Variants in EPC2 observed in about 807,000 individuals in gnomAD.
The protein encoded by EPC2 is enhancer of polycomb 2.
A neutral mutation model predicts 92.1 loss-of-function variants in EPC2; 14 were observed. That is an observed-to-expected ratio of 0.15 (90% CI 0.10 to 0.24). The LOEUF (loss-of-function observed/expected upper bound fraction) is 0.24. EPC2 is among the 10% of genes least tolerant of loss of function. The probability of loss-of-function intolerance (pLI) is 1.00; values close to 1 mark genes in which losing one functional copy is unlikely to be tolerated. For synonymous variants in EPC2, 340 were observed against 334.7 expected (o/e 1.02, Z -0.17); for missense variants, 755 against 971.5 (o/e 0.78, Z 2.96).
chr2:148,673,050 A>C (rs1332060603), intron 1 of EPC2, among the ~76,000 whole-genome samples: 1 of 152,126 alleles, frequency 6.6e-6, no homozygotes, highest in East Asian at 1.9e-4. Context: ...TGAGAAATGC[A>C]CTGATAAATC....
At chr2:148,730,645 C>G (rs190850648) in intron 2 of EPC2, among the ~76,000 whole-genome samples, 32 of 152,288 alleles carry the variant, frequency 2.1e-4, no homozygotes, top group African/African-American at 7.5e-4. Context: ...GGCTTACAGG[C>G]TTTCGTGATA....
intron 2 of EPC2, among the ~76,000 whole-genome samples, chr2:148,700,907 T>C (rs978165856): frequency 2.6e-5 from 4 of 152,232 alleles, no homozygotes; most frequent in African/African-American, 9.6e-5. Context: ...TTCCTGTCCA[T>C]GAACATGGAA....
chr2:148,738,121 T>TG (rs1682803577), intron 2 of EPC2, among the ~76,000 whole-genome samples: 1 of 147,010 alleles, frequency 6.8e-6, no homozygotes, highest in Non-Finnish European at 1.5e-5. Context: ...TTATGCCATT[T>TG]GAAACAACAA....
chr2:148,779,592 G>A (rs1442670043), intron 10 of EPC2, among the ~76,000 whole-genome samples: 1 of 152,068 alleles, frequency 6.6e-6, no homozygotes, highest in Admixed American at 6.6e-5. Context: ...CCAAAAAACT[G>A]TTCCTTCTAC....
chr2:148,761,698 C>A, intron 4 of EPC2, 84 bp from the exon 5 acceptor site: 1 of 910,340 alleles, frequency 1.1e-6, no homozygotes, highest in Non-Finnish European at 1.5e-6. Flanking sequence ...AGGATAAATT[C>A]AGGTCTGATA....
Position 148,701,562 on chromosome 2 carries a change from T to G in EPC2, c.313+11189T>G, listed in dbSNP as rs186167156. Reference sequence around the variant, plus strand: ...GATGAAGTGGATTAAATTAATTGATTTAGCATGCTGAACAAATCCCACTTG... The same window carrying G: ...GATGAAGTGGATTAAATTAATTGATGTAGCATGCTGAACAAATCCCACTTG... On this transcript the variant is annotated intron_variant, in intron 2 of 13. Coordinates refer to ENST00000258484, the MANE Select transcript of EPC2 (RefSeq NM_015630.4). 1.2e-3 allele frequency among the ~76,000 whole-genome samples: 186 copies of G among 152,322 alleles called. 1 individual carries two copies. Among genetic ancestry groups the G allele is most frequent in the Non-Finnish European group, 2.2e-3 (153 of 68,032 alleles).
Position 148,765,023 on chromosome 2 carries a change from G to A in EPC2, c.1017G>A (p.Lys339=). 6.2e-7 allele frequency: 1 copy of A among 1,606,734 alleles called. No homozygotes were observed. Among genetic ancestry groups the A allele is most frequent in the Middle Eastern group, 1.7e-4 (1 of 6,028 alleles). Residue 339 remains lysine, a synonymous_variant, in exon 7 of 14, where the codon AAG becomes AAA. Transcript: ENST00000258484. ...TTCGTCAAAAGAAGAAGTACCCAAAGAAGCCTAAAGCAGAGGCTTTGATAA... is the reference window on the plus strand; with the variant it reads ...TTCGTCAAAAGAAGAAGTACCCAAAAAAGCCTAAAGCAGAGGCTTTGATAA... ...DVVRQKKKYP[K]KPKAEALITS...
At chr2:148,774,219 A>G (rs552578324) in intron 10 of EPC2, among the ~76,000 whole-genome samples, 26 of 152,324 alleles carry the variant, frequency 1.7e-4, no homozygotes, top group African/African-American at 2.4e-4. Context: ...AACAAAAATT[A>G]AAAAGAGGGC....
intron 1 of EPC2, among the ~76,000 whole-genome samples, chr2:148,652,953 C>G (rs1287151285): frequency 6.6e-6 from 1 of 152,088 alleles, no homozygotes; most frequent in Non-Finnish European, 1.5e-5. Flanking sequence ...GTCTTTACCA[C>G]TTGAGTTTAT....
chr2:148,684,377 C>G (rs957938741), intron 1 of EPC2, among the ~76,000 whole-genome samples: 2 of 152,260 alleles, frequency 1.3e-5, no homozygotes, highest in Non-Finnish European at 2.9e-5. Flanking sequence ...ATCTATTTAT[C>G]TTTGTTGCAT....
chr2:148,647,755 C>G (rs1035293359), intron 1 of EPC2, among the ~76,000 whole-genome samples: 5 of 150,962 alleles, frequency 3.3e-5, no homozygotes, highest in African/African-American at 1.2e-4. Context: ...GCCTCAGCCT[C>G]TCAAGTAGTT....
intron 1 of EPC2, among the ~76,000 whole-genome samples, chr2:148,660,805 A>G (rs937955809): frequency 6.6e-6 from 1 of 151,566 alleles, no homozygotes. Flanking sequence ...CCTCCATCCT[A>G]TTTGAATTTT....
intron 2 of EPC2, among the ~76,000 whole-genome samples, chr2:148,714,576 TG>T (rs1363861565): frequency 4.6e-5 from 7 of 152,194 alleles, no homozygotes; most frequent in Non-Finnish European, 8.8e-5. Flanking sequence ...CAGCATCTGT[TG>T]TTTTTTGACT....
intron 2 of EPC2, among the ~76,000 whole-genome samples, chr2:148,731,159 A>C (rs1682620469): frequency 2.0e-5 from 3 of 152,176 alleles, no homozygotes; most frequent in African/African-American, 7.2e-5. Flanking sequence ...AGGTACAGTC[A>C]GTGTTGGTTG....
chr2:148,722,836 A>G (rs1186529536), intron 2 of EPC2, among the ~76,000 whole-genome samples: 2 of 152,224 alleles, frequency 1.3e-5, no homozygotes, highest in Non-Finnish European at 2.9e-5. Context: ...ACATATATAC[A>G]TAGTCATAAA....
chr2:148,725,366 TTC>T (rs762788056), intron 2 of EPC2, among the ~76,000 whole-genome samples: 2 of 152,116 alleles, frequency 1.3e-5, no homozygotes, highest in Non-Finnish European at 2.9e-5. Context: ...TCTCTGTCAC[TTC>T]TCTCTCTGTC....
At chr2:148,761,017 A>G (rs1005414430) in intron 4 of EPC2, among the ~76,000 whole-genome samples, 38 of 152,220 alleles carry the variant, frequency 2.5e-4, no homozygotes, top group Non-Finnish European at 4.7e-4. Flanking sequence ...GAATCTGTGG[A>G]TGTTTAACAA....
At chr2:148,782,298 C>T (rs1230318687) in intron 11 of EPC2, among the ~76,000 whole-genome samples, 1 of 151,894 alleles carries the variant, frequency 6.6e-6, no homozygotes, top group African/African-American at 2.4e-5. Context: ...GCACTTTGGG[C>T]GGCCGAGGCG....
intron 2 of EPC2, chr2:148,692,332 C>T: frequency 6.5e-6 from 1 of 154,856 alleles, no homozygotes; most frequent in Non-Finnish European, 1.4e-5. Flanking sequence ...TGTAACCATT[C>T]TTTCTCTCCT....
Sources: gnomAD v4.1 joint callset for allele counts (sites outside exome capture counted in the v4.1 genomes callset) on GRCh38, gnomAD v4.1.1 for gene constraint, MANE v1.5 for transcripts, NCBI Gene and HGNC (gene_info 2026-07-23, HGNC 2026-07-21) for gene names.